Variants in SATB1 observed in about 807,000 individuals in gnomAD.
The protein encoded by SATB1 is SATB homeobox 1.
SATB1 carries 11 observed loss-of-function variants against 86.9 expected under a neutral mutation model. The observed-to-expected ratio is 0.13, with a 90% CI of 0.08 to 0.21. SATB1 has a LOEUF of 0.21. Among genes scored for constraint, SATB1 ranks in the 10% least tolerant of loss-of-function variants. The probability of loss-of-function intolerance (pLI) is 1.00; values close to 1 mark genes in which losing one functional copy is unlikely to be tolerated. For synonymous variants in SATB1, 357 were observed against 357.2 expected (o/e 1.00, Z 0.01); for missense variants, 551 against 937.6 (o/e 0.59, Z 5.39).
chr3:18,385,384 A>T (rs1281841155), intron 8 of SATB1, among the ~76,000 whole-genome samples: 1 of 152,122 alleles, frequency 6.6e-6, no homozygotes, highest in Non-Finnish European at 1.5e-5. Context: ...GCACTTTGGG[A>T]GGCCGAGGTG....
At chr3:18,367,970 C>CA (rs1341794238) in intron 9 of SATB1, among the ~76,000 whole-genome samples, 13 of 152,098 alleles carry the variant, frequency 8.5e-5, no homozygotes. Context: ...AGTAGCTGTA[C>CA]AAAAAACTTC....
chr3:18,371,833 T>C (rs931528225), intron 9 of SATB1, among the ~76,000 whole-genome samples: 4 of 152,226 alleles, frequency 2.6e-5, no homozygotes, highest in Admixed American at 6.5e-5. Flanking sequence ...ACTTGGTAGA[T>C]TGTTAAAGGA....
At chr3:18,381,416 G>A (rs1205899847) in intron 8 of SATB1, among the ~76,000 whole-genome samples, 2 of 152,118 alleles carry the variant, frequency 1.3e-5, no homozygotes, top group African/African-American at 4.8e-5. Context: ...ATTATGTGCT[G>A]GACATTGTAT....
Position 18,386,663 on chromosome 3 carries a change from C to T in SATB1, c.1207-52G>A, listed in dbSNP as rs1223533451. 4.9e-6 allele frequency: 7 copies of T among 1,420,108 alleles called. No homozygotes were observed. The highest frequency in any genetic ancestry group is 7.0e-6 in the Non-Finnish European group (7 of 1,006,096). 88.0% of individuals were successfully genotyped at this position (1,420,108 alleles called of 1,614,324 possible). On this transcript the variant is annotated intron_variant, in intron 7 of 10. Coordinates refer to ENST00000338745, the MANE Select transcript of SATB1 (RefSeq NM_002971.6). The surrounding 1 kb of genome is among the most constrained non-coding windows in gnomAD (Gnocchi z 4.5). ...AGCCTGCTGCCTTGCTTTGCCTGGC[C>T]AGCAGTGATCCTTCCCTTTTCTTCT...
chr3:18,367,613 AG>A (rs1695250293), intron 9 of SATB1, among the ~76,000 whole-genome samples: 1 of 152,178 alleles, frequency 6.6e-6, no homozygotes, highest in Non-Finnish European at 1.5e-5. Flanking sequence ...TTTGAAACGC[AG>A]GATTCTTGTA....
rs1222817518 is a variant in SATB1 at position 18,345,622 on chromosome 3, AAT to A, written c.*3546_*3547del. On this transcript the variant is annotated 3_prime_UTR_variant, in exon 11 of 11. Coordinates refer to ENST00000338745, the MANE Select transcript of SATB1 (RefSeq NM_002971.6). ...TCATAAGCCCTCTTAAAAAGTCAAA[AAT>A]ATGCATAAAGAAGACTAGTATTGAT... The A allele has an allele frequency of 6.6e-6, 1 of 152,126 alleles. No homozygotes were observed. Among genetic ancestry groups the A allele is most frequent in the Non-Finnish European group, 1.5e-5 (1 of 67,954 alleles). 9.4% of individuals were successfully genotyped at this position (152,126 alleles called of 1,614,324 possible).
chr3:18,416,691 A>T (rs1359042729), intron 3 of SATB1, among the ~76,000 whole-genome samples: 2 of 150,070 alleles, frequency 1.3e-5, no homozygotes, highest in Non-Finnish European at 3.0e-5. Context: ...GAAGTAATTT[A>T]AAAAAAAAAT....
intron 10 of SATB1, chr3:18,351,162 C>T: frequency 1.5e-6 from 1 of 683,978 alleles, no homozygotes; most frequent in Middle Eastern, 3.8e-4. Flanking sequence ...ACAAACAAAG[C>T]ATAAGGCTGC....
Position 18,349,653 on chromosome 3 carries a change from C to CTGCTGCTGTTGCTGT in SATB1, c.1794_1808dup (p.Gln603_Gln607dup). 6.2e-7 allele frequency: 1 copy of CTGCTGCTGTTGCTGT among 1,610,972 alleles called. No individual in the cohort carries two copies. Among genetic ancestry groups the CTGCTGCTGTTGCTGT allele is most frequent in the Non-Finnish European group, 8.5e-7 (1 of 1,178,966 alleles). On this transcript the variant is annotated inframe_insertion, in exon 11 of 11. Transcript: ENST00000338745. The surrounding 1 kb of genome is among the most constrained non-coding windows in gnomAD (Gnocchi z 5.5). ...GAGGCGGCGGTGCCTGCTGCTGCTGCTGCTGCTGTTGCTGTTGCTGCTGCT... is the reference window on the plus strand; with the variant it reads ...GAGGCGGCGGTGCCTGCTGCTGCTGCTGCTGCTGTTGCTGTTGCTGCTGTTGCTGTTGCTGCTGCT...
At chr3:18,436,453 A>T (rs1203561449) in intron 2 of SATB1, among the ~76,000 whole-genome samples, 1 of 150,982 alleles carries the variant, frequency 6.6e-6, no homozygotes, top group East Asian at 1.9e-4. Flanking sequence ...AGGCACACTT[A>T]ACCTAATACT....
rs1575135852 is a variant in SATB1 at position 18,394,849 on chromosome 3, T to A, written c.819A>T (p.Pro273=). Residue 273 remains proline (P), a synonymous_variant, in exon 7 of 11, where the codon CCA becomes CCT. Transcript: ENST00000338745. This position sits in a 1 kb window ranked among gnomAD's most constrained non-coding sequence, Gnocchi z 5.9. ...GCTGCTCGGCTGTGTTCCCTGGAACTGGTTGCTGGCCAAAATTGACATGAT... is the reference window on the plus strand; with the variant it reads ...GCTGCTCGGCTGTGTTCCCTGGAACAGGTTGCTGGCCAAAATTGACATGAT... The part of the protein sequence containing the change: ...GANHVNFGQQ[P]VPGNTAEQPP... 1 of 1,613,600 alleles carries A rather than the reference T, an allele frequency of 6.2e-7. No individual in the cohort carries two copies. Among genetic ancestry groups the A allele is most frequent in the East Asian group, 2.2e-5 (1 of 44,848 alleles).
At chr3:18,376,618 C>G (rs899098334) in intron 9 of SATB1, among the ~76,000 whole-genome samples, 2 of 151,884 alleles carry the variant, frequency 1.3e-5, no homozygotes, top group East Asian at 3.9e-4. Context: ...CTCTTAAATG[C>G]GTAGTCTTGG....
intron 7 of SATB1, among the ~76,000 whole-genome samples, chr3:18,390,999 T>C (rs780257771): frequency 2.5e-4 from 38 of 152,098 alleles, no homozygotes; most frequent in Admixed American, 3.9e-4. Flanking sequence ...TGACATATGC[T>C]AAAAGCTGAT....
At position 18,352,538 on chromosome 3, in the gene SATB1, G is replaced by A. The variant is rs1488606532; in HGVS notation, c.1576-343C>T. 4.3e-6 allele frequency: 1 copy of A among 234,278 alleles called. No individual in the cohort carries two copies. The highest frequency in any genetic ancestry group is 9.4e-5 in the East Asian group (1 of 10,626). 14.5% of individuals were successfully genotyped at this position (234,278 alleles called of 1,614,324 possible). ...GTCTTGCACAACTTTGCTATCTGACGAGTGGCTGGCCATCTGAGGATACGG... is the reference window on the plus strand; with the variant it reads ...GTCTTGCACAACTTTGCTATCTGACAAGTGGCTGGCCATCTGAGGATACGG... On this transcript the variant is annotated intron_variant, in intron 9 of 10. Transcript: ENST00000338745. The surrounding 1 kb of genome is among the most constrained non-coding windows in gnomAD (Gnocchi z 4.1).
Position 18,348,518 on chromosome 3 carries a change from T to C in SATB1, c.*652A>G, listed in dbSNP as rs1191005622. 6.6e-6 allele frequency: 1 copy of C among 152,564 alleles called. No homozygotes were observed. The highest frequency in any genetic ancestry group is 1.5e-5 in the Non-Finnish European group (1 of 68,014). The allele number at this position is 152,564 out of a possible 1,614,324, so 9.5% of individuals were successfully genotyped here. ...TACAAATAAATAATGAGGACTAAAT[T>C]GTGTTTCACATTTTCTTTTCCTTTT... On this transcript the variant is annotated 3_prime_UTR_variant, in exon 11 of 11. Transcript: ENST00000338745.
chr3:18,414,142 A>G (rs375459926), intron 5 of SATB1, among the ~76,000 whole-genome samples: 3 of 152,118 alleles, frequency 2.0e-5, no homozygotes. Flanking sequence ...ACTCAAATTA[A>G]AAGAAAACAT....
chr3:18,426,220 A>C (rs1298034245), upstream of SATB1, among the ~76,000 whole-genome samples: 2 of 152,246 alleles, frequency 1.3e-5, no homozygotes, highest in African/African-American at 2.4e-5. This position sits in a 1 kb window ranked among gnomAD's most constrained non-coding sequence, Gnocchi z 4.2. Context: ...TGAGGAGCCA[A>C]CATTAGAAAG....
At position 18,352,187 on chromosome 3, in the gene SATB1, C is replaced by T; in HGVS notation, c.1584G>A (p.Leu528=). 1 of 1,614,162 alleles carries T rather than the reference C, an allele frequency of 6.2e-7. No homozygotes were observed. Among genetic ancestry groups the T allele is most frequent in the Non-Finnish European group, 8.5e-7 (1 of 1,180,038 alleles). Residue 528 remains leucine (L), a synonymous_variant, in exon 10 of 11, where the codon TTG becomes TTA. Coordinates refer to ENST00000338745, the MANE Select transcript of SATB1 (RefSeq NM_002971.6). The surrounding 1 kb of genome is among the most constrained non-coding windows in gnomAD (Gnocchi z 4.1). ...CTTCTTTCCAGCGTAACAGCTCGCA[C>T]AACCATCCCTTAGAGACAAGGGCAT... is the stretch of plus-strand genomic sequence containing the variant. ...KVAATKSQGW[L]CELLRWKEDP...
At chr3:18,367,038 T>G (rs1158866738) in intron 9 of SATB1, among the ~76,000 whole-genome samples, 1 of 152,178 alleles carries the variant, frequency 6.6e-6, no homozygotes, top group Non-Finnish European at 1.5e-5. Context: ...TTAGATATAA[T>G]ATGACCTAAT....
Sources: gnomAD v4.1 joint callset for allele counts (sites outside exome capture counted in the v4.1 genomes callset) on GRCh38, gnomAD v4.1.1 for gene constraint, Gnocchi (gnomAD v3.1) non-coding constraint, MANE v1.5 for transcripts, NCBI Gene and HGNC (gene_info 2026-07-23, HGNC 2026-07-21) for gene names.